TRMT11: variants seen among roughly 807,000 people sequenced by gnomAD.
TRMT11 encodes tRNA methyltransferase 11, also known as tRNA (guanine(10)-N(2))-methyltransferase TRMT11.
TRMT11 carries 53 observed loss-of-function variants against 62.8 expected under a neutral mutation model. That is an observed-to-expected ratio of 0.84 (90% CI 0.68 to 1.06). The LOEUF (loss-of-function observed/expected upper bound fraction) is 1.06. Ranked by LOEUF, TRMT11 falls within the 50% of genes least tolerant of loss-of-function variation. TRMT11 has a pLI of 0.00. For synonymous variants in TRMT11, 188 were observed against 190.3 expected (o/e 0.99, Z 0.10); for missense variants, 556 against 553.4 (o/e 1.00, Z -0.05).
chr6:126,160,052 A>G (rs1778171491), intron 21 of TRMT11, among the ~76,000 whole-genome samples: 1 of 152,180 alleles, frequency 6.6e-6, no homozygotes, highest in African/African-American at 2.4e-5. Flanking sequence ...ACTTCTGGAC[A>G]TATTCATGGC....
intron 17 of TRMT11, among the ~76,000 whole-genome samples, chr6:126,092,788 A>G (rs150759708): frequency 6.6e-6 from 1 of 152,332 alleles, no homozygotes; most frequent in African/African-American, 2.4e-5. Flanking sequence ...TTACCAATCC[A>G]GTGTTTCTGT....
chr6:126,091,288 T>C (rs967133293), intron 17 of TRMT11, among the ~76,000 whole-genome samples: 1 of 152,074 alleles, frequency 6.6e-6, no homozygotes, highest in Non-Finnish European at 1.5e-5. Context: ...AGTAGTGAAG[T>C]GTAACCTAAC....
At chr6:126,192,471 G>T (rs919389800) in intron 1 of TRMT11, among the ~76,000 whole-genome samples, 1 of 151,946 alleles carries the variant, frequency 6.6e-6, no homozygotes, top group African/African-American at 2.4e-5. Flanking sequence ...AAGACTTCTA[G>T]TACTACATTG....
chr6:126,025,989 C>G (rs1471837073), intron 12 of TRMT11, among the ~76,000 whole-genome samples: 1 of 152,270 alleles, frequency 6.6e-6, no homozygotes, highest in South Asian at 2.1e-4. Context: ...AGTTTTCAGA[C>G]TTGCTTATGG....
intron 6 of TRMT11, among the ~76,000 whole-genome samples, chr6:125,998,972 C>G (rs370464184): frequency 7.3e-6 from 1 of 137,784 alleles, no homozygotes; most frequent in African/African-American, 2.6e-5. Context: ...TTGTTTGTTT[C>G]TTTTTTTTTA....
the TRMT11 span, among the ~76,000 whole-genome samples, chr6:126,209,917 T>C: frequency 6.6e-6 from 1 of 152,200 alleles, no homozygotes; most frequent in African/African-American, 2.4e-5. Context: ...TCACAGTTGT[T>C]TTCTTAGGCT....
chr6:126,115,944 C>CT (rs1392300595), intron 21 of TRMT11, among the ~76,000 whole-genome samples: 1 of 151,868 alleles, frequency 6.6e-6, no homozygotes, highest in Non-Finnish European at 1.5e-5. Flanking sequence ...TGAGTCCCAG[C>CT]TCTGGGCTCC....
intron 1 of TRMT11, among the ~76,000 whole-genome samples, chr6:125,989,030 GGGGA>G (rs1361164340): frequency 6.6e-6 from 1 of 152,090 alleles, no homozygotes; most frequent in Non-Finnish European, 1.5e-5. Context: ...TGGAAGGCTT[GGGGA>G]GGGAGGTTGA....
chr6:126,168,983 A>G (rs1195238384), intron 21 of TRMT11, among the ~76,000 whole-genome samples: 1 of 152,250 alleles, frequency 6.6e-6, no homozygotes, highest in Admixed American at 6.5e-5. Context: ...CTAAAACAGA[A>G]TTGCAAAGTT....
In TRMT11 at chr6:126,095,739, C is replaced by A. The variant is rs76633051; in HGVS notation, c.*1438-17127C>A. Among the ~76,000 whole-genome samples, 1,004 of 152,172 alleles carry A rather than the reference C, an allele frequency of 6.6e-3. 11 individuals carry two copies. The highest frequency in any genetic ancestry group is 0.023 in the African/African-American group (950 of 41,510). On this transcript the variant is annotated intron_variant and NMD_transcript_variant, in intron 17 of 22. Coordinates refer to the TRMT11 transcript ENST00000648977. Reference sequence around the variant, plus strand: ...AGGTATGAACAGAATGTAATGGAAGCAACTAACTATGCTGGGCCCAGGTCT... The same window carrying A: ...AGGTATGAACAGAATGTAATGGAAGAAACTAACTATGCTGGGCCCAGGTCT...
the TRMT11 span, among the ~76,000 whole-genome samples, chr6:126,218,660 C>G: frequency 1.2e-4 from 19 of 152,222 alleles, no homozygotes; most frequent in African/African-American, 4.6e-4. Flanking sequence ...GAATTCTCTC[C>G]TGGAACTGCC....
At chr6:126,051,000 G>A (rs868506650) in intron 16 of TRMT11, among the ~76,000 whole-genome samples, 1 of 152,198 alleles carries the variant, frequency 6.6e-6, no homozygotes, top group Admixed American at 6.5e-5. Context: ...GATACAGGGG[G>A]CCCTATGGGA....
At chr6:126,104,606 A>G (rs535282432) in intron 17 of TRMT11, among the ~76,000 whole-genome samples, 2 of 152,280 alleles carry the variant, frequency 1.3e-5, no homozygotes, top group South Asian at 4.1e-4. Flanking sequence ...CTCCTTGTAG[A>G]AGACCTCACT....
the TRMT11 span, among the ~76,000 whole-genome samples, chr6:126,239,552 T>C: frequency 6.6e-6 from 1 of 152,250 alleles, no homozygotes; most frequent in Admixed American, 6.5e-5. Context: ...CTCTTCTGGC[T>C]TGTAGAGTTT....
chr6:126,111,144 C>T (rs1392031235), intron 17 of TRMT11, among the ~76,000 whole-genome samples: 1 of 152,042 alleles, frequency 6.6e-6, no homozygotes, highest in Non-Finnish European at 1.5e-5. Flanking sequence ...TGCCATGGCT[C>T]AGACCCCATG....
intron 21 of TRMT11, among the ~76,000 whole-genome samples, chr6:126,165,754 T>C (rs985101678): frequency 6.6e-6 from 1 of 152,194 alleles, no homozygotes; most frequent in South Asian, 2.1e-4. Flanking sequence ...CTGATGATTA[T>C]GTGTCTTGGG....
intron 11 of TRMT11, among the ~76,000 whole-genome samples, chr6:126,015,858 G>A (rs924073000): frequency 4.6e-5 from 7 of 151,988 alleles, no homozygotes; most frequent in African/African-American, 9.7e-5. Flanking sequence ...ACTCTCAACC[G>A]GGGCCATCTG....
chr6:126,073,062 T>C (rs1184679265), intron 17 of TRMT11, among the ~76,000 whole-genome samples: 1 of 152,226 alleles, frequency 6.6e-6, no homozygotes, highest in Non-Finnish European at 1.5e-5. Context: ...ATTCAGATTA[T>C]GGAAGATCCT....
At chr6:126,203,747 G>C (rs891480004), downstream of TRMT11, among the ~76,000 whole-genome samples, 3 of 152,026 alleles carry the variant, frequency 2.0e-5, no homozygotes, top group Non-Finnish European at 4.4e-5. Flanking sequence ...TCTACTTGAT[G>C]GCATATCAGG....
Sources: allele counts gnomAD v4.1 joint callset (sites outside exome capture counted in the v4.1 genomes callset), GRCh38; gene constraint gnomAD v4.1.1; transcripts MANE v1.5; gene names NCBI Gene and HGNC (gene_info 2026-07-23, HGNC 2026-07-21).